CDH18: variants seen among roughly 807,000 people sequenced by gnomAD.
CDH18 encodes the protein cadherin 18, also known as cadherin-18.
A neutral mutation model predicts 67.9 loss-of-function variants in CDH18; 31 were observed. The ratio of observed to expected loss-of-function variants is 0.46; its 90% CI spans 0.34 to 0.62. CDH18 has a LOEUF of 0.62. Among genes scored for constraint, CDH18 ranks in the 20% least tolerant of loss-of-function variants. The pLI, the probability that CDH18 is intolerant of heterozygous loss-of-function variation, is 0.01. For synonymous variants in CDH18, 362 were observed against 347.2 expected (o/e 1.04, Z -0.48); for missense variants, 890 against 975.5 (o/e 0.91, Z 1.17).
At chr5:19,797,502 G>T (rs900114142) in intron 3 of CDH18, among the ~76,000 whole-genome samples, 3 of 151,886 alleles carry the variant, frequency 2.0e-5, no homozygotes, top group African/African-American at 2.4e-5. Context: ...AGTTCAACAA[G>T]TTGGTAGGAT....
intron 1 of CDH18, among the ~76,000 whole-genome samples, chr5:20,423,639 C>A (rs62352837): frequency 6.6e-6 from 1 of 150,376 alleles, no homozygotes; most frequent in Non-Finnish European, 1.5e-5. Flanking sequence ...ACTGTAACAA[C>A]GGTAGAATCA....
In CDH18 at chr5:19,489,802, T is replaced by G. The variant is rs537843468; in HGVS notation, c.1631-6250A>C. On this transcript the variant is annotated intron_variant, in intron 11 of 12. Transcript: ENST00000382275. ...TACACATGAAACAACTATGTGATTC[T>G]TGAAGAATATCAGGAAATGTGCTTA... Among the ~76,000 whole-genome samples the G allele has an allele frequency of 5.3e-5, 8 of 152,352 alleles. No homozygotes were observed. In the East Asian group the frequency reaches 1.3e-3, roughly 26 times the overall value.
intron 1 of CDH18, among the ~76,000 whole-genome samples, chr5:20,438,316 G>T (rs1017301484): frequency 6.6e-6 from 1 of 150,690 alleles, no homozygotes; most frequent in African/African-American, 2.4e-5. Context: ...TCTGAAAATA[G>T]AATAAATGAA....
At chr5:20,029,107 T>C (rs969266361) in intron 2 of CDH18, among the ~76,000 whole-genome samples, 1 of 152,194 alleles carries the variant, frequency 6.6e-6, no homozygotes, top group African/African-American at 2.4e-5. Context: ...TTAATTATGC[T>C]TTCTAAATTA....
chr5:19,819,792 T>C (rs1779668896), intron 3 of CDH18, among the ~76,000 whole-genome samples: 1 of 152,102 alleles, frequency 6.6e-6, no homozygotes, highest in Non-Finnish European at 1.5e-5. Flanking sequence ...CTCCTGTGAA[T>C]GGCCAGGTTG....
At chr5:20,490,705 C>T (rs1212122117) in intron 1 of CDH18, among the ~76,000 whole-genome samples, 1 of 152,108 alleles carries the variant, frequency 6.6e-6, no homozygotes, top group African/African-American at 2.4e-5. Context: ...TCTGAATACG[C>T]AGTTCAGTGG....
At chr5:19,945,716 T>TA (rs1795220514) in intron 2 of CDH18, among the ~76,000 whole-genome samples, 1 of 152,070 alleles carries the variant, frequency 6.6e-6, no homozygotes, top group Non-Finnish European at 1.5e-5. Flanking sequence ...AAAAACACAG[T>TA]AACTACTACA....
Position 20,251,818 on chromosome 5 carries a change from G to GA in CDH18, c.-518+3625dup, listed in dbSNP as rs1267768639. 5.9e-5 allele frequency among the ~76,000 whole-genome samples: 9 copies of GA among 152,238 alleles called. No individual in the cohort carries two copies. In the East Asian group the frequency reaches 1.5e-3, roughly 26 times the overall value. On this transcript the variant is annotated intron_variant, in intron 2 of 14. Coordinates refer to the CDH18 transcript ENST00000507958. ...AAAAATAATAATGAGCACATTACATGAAAAAATAGATCTGATTTGAGAATA... is the reference window on the plus strand; with the variant it reads ...AAAAATAATAATGAGCACATTACATGAAAAAAATAGATCTGATTTGAGAATA...
chr5:20,257,033 A>G (rs1445359445), intron 1 of CDH18, among the ~76,000 whole-genome samples: 1 of 151,860 alleles, frequency 6.6e-6, no homozygotes, highest in Non-Finnish European at 1.5e-5. Context: ...TCTACTTATC[A>G]GGGCAAAACT....
chr5:20,559,752 C>T (rs186902603), intron 1 of CDH18, among the ~76,000 whole-genome samples: 2 of 152,072 alleles, frequency 1.3e-5, no homozygotes, highest in East Asian at 1.9e-4. Flanking sequence ...ACTGTCTAAG[C>T]GCCTACAAGA....
intron 6 of CDH18, among the ~76,000 whole-genome samples, chr5:19,592,818 C>T (rs944947782): frequency 1.3e-5 from 2 of 151,990 alleles, no homozygotes; most frequent in Non-Finnish European, 2.9e-5. Context: ...TGATTAGCAA[C>T]TCCTCACTCA....
chr5:20,527,689 C>A (rs1183406304), intron 1 of CDH18, among the ~76,000 whole-genome samples: 2 of 152,002 alleles, frequency 1.3e-5, no homozygotes, highest in African/African-American at 4.8e-5. Flanking sequence ...GAAATAGAAT[C>A]CTTTTCACAC....
At chr5:19,659,306 G>A (rs1165071542) in intron 5 of CDH18, among the ~76,000 whole-genome samples, 1 of 152,058 alleles carries the variant, frequency 6.6e-6, no homozygotes, top group South Asian at 2.1e-4. Context: ...CAATTAAAAT[G>A]ATTCTGAACA....
chr5:20,563,192 G>C (rs1223802534), intron 1 of CDH18, among the ~76,000 whole-genome samples: 3 of 151,962 alleles, frequency 2.0e-5, no homozygotes, highest in Non-Finnish European at 4.4e-5. Context: ...TTACTTCACA[G>C]TTGAAAAATA....
chr5:19,550,627 A>T (rs902171366), intron 8 of CDH18, among the ~76,000 whole-genome samples: 38 of 152,274 alleles, frequency 2.5e-4, no homozygotes, highest in African/African-American at 8.2e-4. Flanking sequence ...TATTCCATGG[A>T]GTATATGTGC....
chr5:20,166,453 A>G (rs1736296173), intron 2 of CDH18, among the ~76,000 whole-genome samples: 2 of 112,484 alleles, frequency 1.8e-5, no homozygotes, highest in African/African-American at 6.5e-5. Flanking sequence ...AAAAAAAAAA[A>G]AGAAAAGAAA....
chr5:20,089,156 G>C (rs1350392276), intron 2 of CDH18, among the ~76,000 whole-genome samples: 2 of 151,910 alleles, frequency 1.3e-5, no homozygotes, highest in Non-Finnish European at 2.9e-5. Context: ...CATAAATTTT[G>C]CAGCCATGTT....
At position 19,703,991 on chromosome 5, in the gene CDH18, A is replaced by C. The variant is rs572340490; in HGVS notation, c.643+17356T>G. On this transcript the variant is annotated intron_variant, in intron 5 of 12. Transcript: ENST00000382275. ...ATTCAGATTACAATGGGGAAATTCAAATTATTATATCTACTTCTGTTCCCT... is the reference window on the plus strand; with the variant it reads ...ATTCAGATTACAATGGGGAAATTCACATTATTATATCTACTTCTGTTCCCT... 4.4e-4 allele frequency among the ~76,000 whole-genome samples: 67 copies of C among 152,234 alleles called. 1 individual carries two copies. In the Middle Eastern group the frequency reaches 0.01, roughly 23 times the overall value.
rs1799532912 is a variant in CDH18 at position 19,986,162 on chromosome 5, T to C, written c.-376+1924A>G. 3.9e-5 allele frequency among the ~76,000 whole-genome samples: 6 copies of C among 152,358 alleles called. No homozygotes were observed. The South Asian group carries it at 1.2e-3, about 32-fold the overall frequency. On this transcript the variant is annotated intron_variant, in intron 1 of 12. Transcript: ENST00000382275. ...ATAAAGTTGGAATAAATGACTCATA[T>C]ATTCTCACAAGTCCACTATATCTAT...
Sources: allele counts gnomAD v4.1 joint callset (sites outside exome capture counted in the v4.1 genomes callset), GRCh38; gene constraint gnomAD v4.1.1; transcripts MANE v1.5; gene names NCBI Gene and HGNC (gene_info 2026-07-23, HGNC 2026-07-21).